SMG1: variants seen among roughly 807,000 people sequenced by gnomAD.
SMG1 encodes the protein SMG1 nonsense mediated mRNA decay associated PI3K related kinase, also known as serine/threonine-protein kinase SMG1.
In SMG1, 22 loss-of-function variants were observed where a neutral mutation model predicts 419.9. That is an observed-to-expected ratio of 0.05 (90% CI 0.04 to 0.07). The LOEUF (loss-of-function observed/expected upper bound fraction) is 0.07. Ranked by LOEUF, SMG1 falls within the 10% of genes least tolerant of loss-of-function variation. The pLI, the probability that SMG1 is intolerant of heterozygous loss-of-function variation, is 1.00. For missense variants in SMG1, 3,185 were observed against 4,342.0 expected (o/e 0.73, Z 7.49); for synonymous variants, 1,538 against 1,553.5 (o/e 0.99, Z 0.23).
Position 18,850,332 on chromosome 16 carries a change from T to C in SMG1, c.5188A>G (p.Ile1730Val), listed in dbSNP as rs759655175. ...TCTACAACTTTCCTCCACACTTTAATAACTCCTTCAGTTGCACTTTCATCA... is the reference window on the plus strand; with the variant it reads ...TCTACAACTTTCCTCCACACTTTAACAACTCCTTCAGTTGCACTTTCATCA... ...ELDESATEGV[I>V]KVWRKVVDRI... Residue 1730 changes from isoleucine to valine, a missense_variant, in exon 34 of 63, where the codon ATT becomes GTT. By Grantham distance (29) the Ile-to-Val change is conservative. This residue lies in a region of SMG1 where 493 missense variants were observed against 552.9 expected (regional missense o/e 0.89). Transcript: ENST00000446231. 1 of 1,613,982 alleles carries C rather than the reference T, an allele frequency of 6.2e-7. No individual in the cohort carries two copies. The highest frequency in any genetic ancestry group is 8.5e-7 in the Non-Finnish European group (1 of 1,179,872).
chr16:18,859,302 A>T, intron 27 of SMG1, 121 bp from the exon 28 acceptor site: 1 of 684,240 alleles, frequency 1.5e-6, no homozygotes, highest in Non-Finnish European at 2.5e-6. Flanking sequence ...TAAGAGGAGC[A>T]GCCTGCTCTA....
chr16:18,854,183 C>A (rs2034770016), intron 30 of SMG1, among the ~76,000 whole-genome samples: 1 of 145,970 alleles, frequency 6.9e-6, no homozygotes, highest in African/African-American at 2.6e-5. Context: ...ACTTCCCAGG[C>A]TCAAGCAATT....
At chr16:18,827,412 C>T (rs919695764) in intron 55 of SMG1, among the ~76,000 whole-genome samples, 4 of 137,344 alleles carry the variant, frequency 2.9e-5, no homozygotes, top group African/African-American at 8.3e-5. Context: ...GGCAACAAAG[C>T]GAGACTCTGT....
chr16:18,882,651 G>T (rs532197959), intron 9 of SMG1, among the ~76,000 whole-genome samples: 15 of 152,174 alleles, frequency 9.9e-5, no homozygotes, highest in Non-Finnish European at 1.6e-4. Flanking sequence ...AAATGAAGAC[G>T]GAAGCTTTTG....
chr16:18,863,236 A>G (rs976691844), intron 25 of SMG1, among the ~76,000 whole-genome samples: 3 of 152,260 alleles, frequency 2.0e-5, no homozygotes, highest in African/African-American at 7.2e-5. Context: ...GCACAGAGGA[A>G]TGAAAAGAAA....
intron 31 of SMG1, among the ~76,000 whole-genome samples, chr16:18,853,242 T>C (rs1171002784): frequency 2.0e-5 from 3 of 152,212 alleles, no homozygotes. Context: ...TTTATATAGT[T>C]TCTGTGTTCC....
chr16:18,851,917 AACTC>A (rs2034625147), intron 33 of SMG1, 146 bp downstream of exon 33: 3 of 784,734 alleles, frequency 3.8e-6, no homozygotes, highest in African/African-American at 3.6e-5. Flanking sequence ...AGAAAAATAT[AACTC>A]ACTTTCATCT....
At chr16:18,909,351 G>GA (rs1290341383) in intron 1 of SMG1, among the ~76,000 whole-genome samples, 1 of 151,384 alleles carries the variant, frequency 6.6e-6, no homozygotes, top group Non-Finnish European at 1.5e-5. Flanking sequence ...TCAAAAAAAG[G>GA]AAAAAATAAA....
At chr16:18,867,697 CTTCTTTTT>C (rs2035592838) in intron 22 of SMG1, among the ~76,000 whole-genome samples, 1 of 125,434 alleles carries the variant, frequency 8.0e-6, no homozygotes, top group Non-Finnish European at 1.7e-5. Flanking sequence ...ATTATTTTAA[CTTCTTTTT>C]TTTTTTTTTT....
Position 18,884,086 on chromosome 16 carries a change from A to G in SMG1, c.1103T>C (p.Met368Thr). The stretch of plus-strand genomic sequence containing the variant: ...TATACTCACCTCAGCATATGCTTCC[A>G]TGTCTTCCAGAAACTGACCAAGAAG... ...TTLLGQFLED[M>T]EAYAEDLSHV... The change falls in exon 9 of 63, where the codon ATG (methionine) becomes ACG (threonine). Residue 368 changes from methionine to threonine, a missense_variant. Physicochemically the swap from Met to Thr is moderately conservative, Grantham distance 81. This residue lies in a region of SMG1 where 2 missense variants were observed against 20.3 expected (regional missense o/e 0.10). Transcript: ENST00000446231. 1 of 1,591,508 alleles carries G rather than the reference A, an allele frequency of 6.3e-7. No homozygotes were observed.
At chr16:18,844,295 G>A (rs1416975645) in intron 39 of SMG1, among the ~76,000 whole-genome samples, 1 of 151,856 alleles carries the variant, frequency 6.6e-6, no homozygotes, top group Non-Finnish European at 1.5e-5. Context: ...CAAGCATGGT[G>A]GTGTGTGCCT....
rs753575943 is a variant in SMG1, at chr16:18,853,881, C to A, written c.4484-14G>T. 1.3e-6 allele frequency: 2 copies of A among 1,596,278 alleles called. No homozygotes were observed. The highest frequency in any genetic ancestry group is 1.7e-6 in the Non-Finnish European group (2 of 1,169,894). On this transcript the variant is annotated splice_polypyrimidine_tract_variant and intron_variant, in intron 30 of 62. Transcript: ENST00000446231. Reference sequence around the variant, plus strand: ...GTGTTGACTGGCCTACAGAAAACCACAAAGTCAGAACTTAGAACCTTTAAA... The same window carrying A: ...GTGTTGACTGGCCTACAGAAAACCAAAAAGTCAGAACTTAGAACCTTTAAA...
chr16:18,831,841 A>G (rs2033207584), intron 51 of SMG1, among the ~76,000 whole-genome samples: 1 of 150,374 alleles, frequency 6.7e-6, no homozygotes, highest in Admixed American at 6.7e-5. Flanking sequence ...TTATTATTTT[A>G]TGAATATAAC....
chr16:18,906,271 T>C (rs1286857367), intron 1 of SMG1, among the ~76,000 whole-genome samples: 1 of 152,070 alleles, frequency 6.6e-6, no homozygotes, highest in Non-Finnish European at 1.5e-5. Context: ...TCACTTGAGG[T>C]CAGGAGTTGG....
chr16:18,836,277 G>A, intron 47 of SMG1, 65 bp from the exon 48 acceptor site: 1 of 1,589,346 alleles, frequency 6.3e-7, no homozygotes, highest in South Asian at 1.1e-5. Context: ...CTAAAAGCAA[G>A]CACAAACCAG....
chr16:18,829,258 A>G (rs766986560), intron 54 of SMG1, 28 bp downstream of exon 54: 6 of 1,564,256 alleles, frequency 3.8e-6, no homozygotes, highest in Non-Finnish European at 5.2e-6. Context: ...ACCTTGAGGA[A>G]AAACACATTA....
chr16:18,871,515 T>TA (rs761836445), intron 15 of SMG1, 33 bp from the exon 16 acceptor site: 450 of 1,253,678 alleles, frequency 3.6e-4, no homozygotes, highest in Middle Eastern at 8.8e-4. Flanking sequence ...GACTGTACAT[T>TA]AAAAAAAACA....
chr16:18,912,667 G>A (rs963264279), intron 1 of SMG1, among the ~76,000 whole-genome samples: 2 of 151,848 alleles, frequency 1.3e-5, no homozygotes, highest in African/African-American at 4.8e-5. Context: ...ACATACTTAC[G>A]ACCTATTTGC....
chr16:18,842,482 T>C, intron 39 of SMG1, 28 bp from the exon 40 acceptor site: 1 of 1,601,406 alleles, frequency 6.2e-7, no homozygotes, highest in Non-Finnish European at 8.5e-7. Context: ...GAGAAACAAA[T>C]TTACATTACA....
Sources: allele counts gnomAD v4.1 joint callset (sites outside exome capture counted in the v4.1 genomes callset), GRCh38; gene constraint gnomAD v4.1.1; regional missense constraint gnomAD v4.1.1; transcripts MANE v1.5; gene names NCBI Gene and HGNC (gene_info 2026-07-23, HGNC 2026-07-21).